Variants in METTL24 observed in about 807,000 individuals in gnomAD.
METTL24 encodes probable methyltransferase-like protein 24.
METTL24 carries 29 observed loss-of-function variants against 32.7 expected under a neutral mutation model. The ratio of observed to expected loss-of-function variants is 0.89; its 90% confidence interval spans 0.66 to 1.21. The LOEUF is 1.21. Ranked by LOEUF, METTL24 falls within the 50% of genes most tolerant of loss-of-function variation. The pLI is 0.00. For synonymous variants in METTL24, 163 were observed against 179.5 expected (o/e 0.91, Z 0.73); for missense variants, 439 against 468.1 (o/e 0.94, Z 0.57).
intron 4 of METTL24, among the ~76,000 whole-genome samples, chr6:110,273,822 T>C (rs1299789985): frequency 6.6e-6 from 1 of 152,214 alleles, no homozygotes; most frequent in Non-Finnish European, 1.5e-5. Context: ...TGGAGATTCC[T>C]TAAAAAACTA....
chr6:110,295,513 C>A (rs1369489002), intron 4 of METTL24, among the ~76,000 whole-genome samples: 1 of 152,186 alleles, frequency 6.6e-6, no homozygotes, highest in African/African-American at 2.4e-5. Context: ...GGCCCCAGCC[C>A]CAAGGTCTAC....
chr6:110,303,100 AC>A (rs1771566530), intron 3 of METTL24, among the ~76,000 whole-genome samples: 1 of 151,888 alleles, frequency 6.6e-6, no homozygotes, highest in Admixed American at 6.6e-5. Context: ...GCCATGAGGG[AC>A]CCTGCCATGA....
rs1453287495 is a variant in METTL24, at chr6:110,322,776, G to A, written c.415C>T (p.Gln139Ter). The A allele has an allele frequency of 1.2e-6, 2 of 1,611,784 alleles. No homozygotes were observed. The highest frequency in any genetic ancestry group is 3.3e-5 in the Admixed American group (2 of 59,866). Residue 139 changes from glutamine to a stop codon, truncating the protein, a stop_gained and splice_region_variant, in exon 2 of 5, where the codon CAG becomes TAG. Transcript: ENST00000338882. LOFTEE classifies it high-confidence loss of function. ...WRFLRYISTT[Q>*]IACNHMNTDS... ...CTTCTTTGAGCCTGAAACACAACCTGGGTGGTGCTGATATATCTCAGGAAC... is the reference window on the plus strand; with the variant it reads ...CTTCTTTGAGCCTGAAACACAACCTAGGTGGTGCTGATATATCTCAGGAAC...
At chr6:110,266,242 CT>C (rs1230548940) in intron 4 of METTL24, among the ~76,000 whole-genome samples, 13 of 152,122 alleles carry the variant, frequency 8.5e-5, no homozygotes, top group South Asian at 4.2e-4. Context: ...ACTACTGTTA[CT>C]TTTTTTCACA....
At chr6:110,263,064 C>A (rs1050972060) in intron 4 of METTL24, among the ~76,000 whole-genome samples, 6 of 152,138 alleles carry the variant, frequency 3.9e-5, no homozygotes, top group African/African-American at 1.4e-4. Context: ...TGGCACAAGA[C>A]AAGGATGCCC....
At chr6:110,314,846 C>A (rs1771789077) in intron 3 of METTL24, among the ~76,000 whole-genome samples, 1 of 152,078 alleles carries the variant, frequency 6.6e-6, no homozygotes, top group African/African-American at 2.4e-5. Context: ...TGCCTGTGGT[C>A]CCAGCTACTT....
rs189192265 is a variant in METTL24 at position 110,270,804 on chromosome 6, C to G, written c.787-24544G>C. 1.7e-3 allele frequency among the ~76,000 whole-genome samples: 259 copies of G among 149,992 alleles called. 1 individual carries two copies. The highest frequency in any genetic ancestry group is 5.2e-3 in the African/African-American group (213 of 40,844). On this transcript the variant is annotated intron_variant, in intron 4 of 4. Transcript: ENST00000338882. ...GTTCTAATTGTCTTGTCTTACATTA[C>G]ATGAGGAGAGGAAGAACAGCACCAT...
intron 4 of METTL24, among the ~76,000 whole-genome samples, chr6:110,274,118 A>C (rs1354222117): frequency 6.6e-6 from 1 of 152,056 alleles, no homozygotes; most frequent in Non-Finnish European, 1.5e-5. Flanking sequence ...TTTGAGATGG[A>C]GTCTTGCTCT....
intron 1 of METTL24, among the ~76,000 whole-genome samples, chr6:110,324,252 C>T (rs1205288616): frequency 6.6e-6 from 1 of 152,120 alleles, no homozygotes; most frequent in African/African-American, 2.4e-5. Flanking sequence ...TTGCAGAATC[C>T]CTGTAGAGCC....
intron 3 of METTL24, among the ~76,000 whole-genome samples, chr6:110,310,013 T>C (rs1771692731): frequency 6.6e-6 from 1 of 152,208 alleles, no homozygotes; most frequent in South Asian, 2.1e-4. Flanking sequence ...TGGGGAAACA[T>C]GCCCAAAAAG....
chr6:110,326,401 T>C (rs114413553), intron 1 of METTL24, among the ~76,000 whole-genome samples: 3,428 of 152,324 alleles, frequency 0.023, 141 homozygotes, highest in African/African-American at 0.078. Flanking sequence ...AAGGCTTCCA[T>C]GTCATGTAAA....
intron 1 of METTL24, among the ~76,000 whole-genome samples, chr6:110,351,003 G>A (rs541234960): frequency 6.6e-6 from 1 of 152,064 alleles, no homozygotes; most frequent in Admixed American, 6.6e-5. Context: ...AGCTACTTGG[G>A]AGGCTGAGGC....
intron 1 of METTL24, among the ~76,000 whole-genome samples, chr6:110,350,787 TAAAA>T: frequency 6.8e-6 from 1 of 146,794 alleles, no homozygotes. Flanking sequence ...TAAAATAAAA[TAAAA>T]TAAAATAAAA....
At chr6:110,308,007 G>A (rs73523210) in intron 3 of METTL24, among the ~76,000 whole-genome samples, 22,706 of 152,128 alleles carry the variant, frequency 0.15, 1,988 homozygotes, top group African/African-American at 0.23. Context: ...GAGATTTATA[G>A]GGCTAAATTT....
At position 110,244,024 on chromosome 6, in the gene METTL24, T is replaced by C. The variant is rs1018284523; in HGVS notation, c.*1922A>G. ...TGTAAATAGTAATGAGAGAGAGCATTTGAACCGCTGAGAACCTAAACTTTC... is the reference window on the plus strand; with the variant it reads ...TGTAAATAGTAATGAGAGAGAGCATCTGAACCGCTGAGAACCTAAACTTTC... On this transcript the variant is annotated 3_prime_UTR_variant, in exon 5 of 5. Transcript: ENST00000338882. 6.6e-6 allele frequency among the ~76,000 whole-genome samples: 1 copy of C among 152,180 alleles called. No individual in the cohort carries two copies. The highest frequency in any genetic ancestry group is 1.5e-5 in the Non-Finnish European group (1 of 68,024).
chr6:110,338,517 AAAC>A (rs1250775071), intron 1 of METTL24, among the ~76,000 whole-genome samples: 3 of 152,198 alleles, frequency 2.0e-5, no homozygotes, highest in African/African-American at 4.8e-5. Context: ...AGCCAAAGGA[AAAC>A]AACAATAACA....
At chr6:110,349,458 G>A (rs1243003651) in intron 1 of METTL24, among the ~76,000 whole-genome samples, 1 of 152,132 alleles carries the variant, frequency 6.6e-6, no homozygotes, top group Non-Finnish European at 1.5e-5. Flanking sequence ...CAGATATCTG[G>A]CACAAGCAAG....
At chr6:110,286,088 A>T (rs1213699423) in intron 4 of METTL24, among the ~76,000 whole-genome samples, 4 of 152,130 alleles carry the variant, frequency 2.6e-5, no homozygotes, top group Non-Finnish European at 5.9e-5. Context: ...AACATTCTCC[A>T]GTGGCAAGGG....
intron 4 of METTL24, among the ~76,000 whole-genome samples, chr6:110,295,802 G>GAAGT (rs1771405076): frequency 8.8e-6 from 1 of 114,240 alleles, no homozygotes; most frequent in African/African-American, 3.1e-5. Flanking sequence ...AGAAAGGAAG[G>GAAGT]AAGGAAGGAA....
Sources: allele counts gnomAD v4.1 joint callset (sites outside exome capture counted in the v4.1 genomes callset), GRCh38; gene constraint gnomAD v4.1.1; transcripts MANE v1.5; gene names NCBI Gene and HGNC (gene_info 2026-07-23, HGNC 2026-07-21).